NANOS3: variants seen among roughly 807,000 people sequenced by gnomAD.
NANOS3 encodes nanos C2HC-type zinc finger 3.
In NANOS3, 11 loss-of-function variants were observed where a neutral mutation model predicts 13.8. The ratio of observed to expected loss-of-function variants is 0.80; its 90% CI spans 0.50 to 1.32. The LOEUF is 1.32. Among genes scored for constraint, NANOS3 ranks in the 40% most tolerant of loss-of-function variants. NANOS3 has a pLI of 0.00. For missense variants in NANOS3, 221 were observed against 263.8 expected (o/e 0.84, Z 1.12); for synonymous variants, 119 against 115.4 (o/e 1.03, Z -0.20).
chr19:13,876,953 G>GC (rs1225361668), upstream of NANOS3, among the ~76,000 whole-genome samples: 1 of 152,010 alleles, frequency 6.6e-6, no homozygotes, highest in African/African-American at 2.4e-5. Flanking sequence ...CTCGCAGGAT[G>GC]CCCCCCCACA....
At chr19:13,866,265 T>A (rs1568361541) in intron 1 of NANOS3, among the ~76,000 whole-genome samples, 2 of 151,414 alleles carry the variant, frequency 1.3e-5, no homozygotes, top group South Asian at 4.2e-4. Context: ...GAGGGCAGGC[T>A]GGGGGTGGGG....
upstream of NANOS3, among the ~76,000 whole-genome samples, chr19:13,863,599 C>A (rs1403246608): frequency 2.6e-5 from 4 of 151,954 alleles, 1 homozygote; most frequent in South Asian, 4.1e-4. Flanking sequence ...GCTGACTGGC[C>A]CCCCCCAACC....
chr19:13,865,755 C>T (rs1330753264), intron 1 of NANOS3, among the ~76,000 whole-genome samples: 1 of 150,504 alleles, frequency 6.6e-6, no homozygotes, highest in African/African-American at 2.4e-5. Flanking sequence ...GCGGAGATGC[C>T]CTCGCGGGGC....
chr19:13,868,065 C>T (rs181084217), intron 1 of NANOS3, among the ~76,000 whole-genome samples: 2 of 150,636 alleles, frequency 1.3e-5, no homozygotes, highest in Non-Finnish European at 2.9e-5. Flanking sequence ...GAGACAGAGT[C>T]TTGCTCTGTC....
upstream of NANOS3, chr19:13,874,853 GCCC>G: frequency 1.9e-6 from 1 of 526,068 alleles, no homozygotes; most frequent in Non-Finnish European, 4.0e-6. Flanking sequence ...GGCCTGGGGA[GCCC>G]CCAATCCAGC....
At chr19:13,872,341 T>C, upstream of NANOS3, among the ~76,000 whole-genome samples, 1 of 71,438 alleles carries the variant, frequency 1.4e-5, no homozygotes, top group African/African-American at 6.9e-5. Flanking sequence ...CAAGACTCCA[T>C]CTCAAAAAAA....
chr19:13,880,398 T>A, intron 1 of NANOS3, 44 bp from the exon 2 acceptor site: 1 of 1,589,732 alleles, frequency 6.3e-7, no homozygotes, highest in Non-Finnish European at 8.6e-7. Context: ...GAGCGTTGAG[T>A]CATCGCCTGT....
At chr19:13,866,281 G>A (rs1009116682) in intron 1 of NANOS3, among the ~76,000 whole-genome samples, 1 of 152,036 alleles carries the variant, frequency 6.6e-6, no homozygotes, top group African/African-American at 2.4e-5. Flanking sequence ...TGGGGGGGTG[G>A]AAAAGACACC....
At chr19:13,864,294 T>C (rs921963659), upstream of NANOS3, among the ~76,000 whole-genome samples, 15 of 152,108 alleles carry the variant, frequency 9.9e-5, no homozygotes, top group African/African-American at 3.6e-4. Context: ...ACAGCTTGCA[T>C]GTGGTCTGTG....
At chr19:13,879,280 A>T (rs907670864) in intron 1 of NANOS3, among the ~76,000 whole-genome samples, 4 of 152,104 alleles carry the variant, frequency 2.6e-5, no homozygotes, top group Non-Finnish European at 4.4e-5. Context: ...TAGCAACTTA[A>T]ATTGCCTTTG....
At chr19:13,879,460 G>T (rs567006060) in intron 1 of NANOS3, among the ~76,000 whole-genome samples, 6 of 152,282 alleles carry the variant, frequency 3.9e-5, no homozygotes, top group Admixed American at 3.3e-4. Flanking sequence ...AAAGGGTCAG[G>T]TGTGATGGCT....
At chr19:13,874,543 A>G (rs1187025401), upstream of NANOS3, among the ~76,000 whole-genome samples, 3 of 152,188 alleles carry the variant, frequency 2.0e-5, no homozygotes, top group African/African-American at 7.2e-5. Flanking sequence ...ACTAGCATTT[A>G]TATTTGCCTT....
intron 1 of NANOS3, among the ~76,000 whole-genome samples, chr19:13,865,962 G>T (rs1041399462): frequency 6.6e-6 from 1 of 151,998 alleles, no homozygotes; most frequent in Non-Finnish European, 1.5e-5. Context: ...CTCCGGCCAA[G>T]TTCATGGGCG....
Position 13,877,165 on chromosome 19 carries a change from G to A in NANOS3, c.-84G>A. 1 of 1,181,700 alleles carries A rather than the reference G, an allele frequency of 8.5e-7. No homozygotes were observed. The allele number at this position is 1,181,700 out of a possible 1,614,324, so 73.2% of individuals were successfully genotyped here. On this transcript the variant is annotated 5_prime_UTR_variant, in exon 1 of 2. Coordinates refer to ENST00000339133, the MANE Select transcript of NANOS3 (RefSeq NM_001098622.3). ...CAGAGAGGGGAAGGAAGGGGCAGCA[G>A]AGAGGGGTCAGAAGGAGGGAGCTTA...
chr19:13,871,392 C>T (rs1976325458), intron 1 of NANOS3, among the ~76,000 whole-genome samples: 1 of 152,138 alleles, frequency 6.6e-6, no homozygotes, highest in African/African-American at 2.4e-5. Flanking sequence ...CACTGAGGGC[C>T]AGAAGCCTGC....
chr19:13,869,065 T>C (rs945268189), intron 1 of NANOS3, among the ~76,000 whole-genome samples: 3 of 152,018 alleles, frequency 2.0e-5, no homozygotes, highest in African/African-American at 2.4e-5. Context: ...TATAGACCCA[T>C]AGAAACATCC....
chr19:13,862,797 A>T (rs1487757123), upstream of NANOS3, among the ~76,000 whole-genome samples: 1 of 152,172 alleles, frequency 6.6e-6, no homozygotes, highest in East Asian at 1.9e-4. Flanking sequence ...TCGGCCTCCC[A>T]AAATGCTGTG....
At chr19:13,865,720 GC>G (rs1467580321) in intron 1 of NANOS3, among the ~76,000 whole-genome samples, 1 of 150,808 alleles carries the variant, frequency 6.6e-6, no homozygotes, top group Non-Finnish European at 1.5e-5. Flanking sequence ...GAGTCCCGGA[GC>G]CGGGGCCGCC....
At chr19:13,868,605 C>G (rs1976277149) in intron 1 of NANOS3, among the ~76,000 whole-genome samples, 1 of 151,402 alleles carries the variant, frequency 6.6e-6, no homozygotes, top group Non-Finnish European at 1.5e-5. Flanking sequence ...CGCTTTGAGC[C>G]CAGGAGTTTG....
Sources: gnomAD v4.1 joint callset for allele counts (sites outside exome capture counted in the v4.1 genomes callset) on GRCh38, gnomAD v4.1.1 for gene constraint, MANE v1.5 for transcripts, NCBI Gene and HGNC (gene_info 2026-07-23, HGNC 2026-07-21) for gene names.